Variants in NOL10 observed in about 807,000 individuals in gnomAD.
NOL10 encodes the protein H_NH0074G24.1.
Under a neutral mutation model 103.5 loss-of-function variants are expected in NOL10, and 58 were observed. The ratio of observed to expected loss-of-function variants is 0.56; its 90% CI spans 0.45 to 0.70. The LOEUF (loss-of-function observed/expected upper bound fraction) is 0.70. Ranked by LOEUF, NOL10 falls within the 30% of genes least tolerant of loss-of-function variation. The pLI is 0.00. For missense variants in NOL10, 763 were observed against 807.3 expected (o/e 0.95, Z 0.67); for synonymous variants, 287 against 282.5 (o/e 1.02, Z -0.16).
At chr2:10,678,327 T>G (rs565221670) in intron 3 of NOL10, among the ~76,000 whole-genome samples, 1 of 151,836 alleles carries the variant, frequency 6.6e-6, no homozygotes, top group Non-Finnish European at 1.5e-5. Flanking sequence ...GCAGGGATTA[T>G]AGGCATGAGC....
At chr2:10,669,355 G>C (rs552459175) in intron 6 of NOL10, among the ~76,000 whole-genome samples, 38 of 150,724 alleles carry the variant, frequency 2.5e-4, no homozygotes, top group African/African-American at 8.7e-4. Context: ...CTCCCAAAGT[G>C]CTGGATTACA....
chr2:10,629,824 G>T (rs928807485), intron 13 of NOL10, among the ~76,000 whole-genome samples: 3 of 152,066 alleles, frequency 2.0e-5, no homozygotes, highest in African/African-American at 7.2e-5. Flanking sequence ...GCTTTATTTT[G>T]CTCAACATGA....
rs1558311146 is a variant in NOL10 at position 10,638,305 on chromosome 2, G to GTA, written c.1026+6014_1026+6015insTA. On this transcript the variant is annotated intron_variant, in intron 13 of 20. Transcript: ENST00000381685. Reference sequence around the variant, plus strand: ...GTCTCATTCAAAAATAACGTAACGTGACGTGACGTGACGTGACGTGACGTG... The same window carrying GTA: ...GTCTCATTCAAAAATAACGTAACGTGTAACGTGACGTGACGTGACGTGACGTG... Among the ~76,000 whole-genome samples, 9 of 92,842 alleles carry GTA rather than the reference G, an allele frequency of 9.7e-5. No individual in the cohort carries two copies. In the East Asian group the frequency reaches 3.6e-3, roughly 37 times the overall value. 60.9% of individuals were successfully genotyped at this position (92,842 alleles called of 152,430 possible). A position where few individuals can be genotyped will look rare whatever the true frequency, so the allele number is the denominator to read the frequency against.
intron 8 of NOL10, among the ~76,000 whole-genome samples, chr2:10,666,529 A>G (rs945796064): frequency 1.3e-5 from 2 of 152,140 alleles, no homozygotes; most frequent in African/African-American, 4.8e-5. Context: ...GTGTTTCGCC[A>G]TATTGGCCAG....
At position 10,689,779 on chromosome 2, in the gene NOL10, G is replaced by A. The variant is rs936331754; in HGVS notation, c.66+17C>T. The A allele has an allele frequency of 3.8e-6, 6 of 1,594,454 alleles. No homozygotes were observed. In the Admixed American group the frequency reaches 7.0e-5, roughly 19 times the overall value. ...CCCCCAAGAGCTCGAGAGTGAGGGG[G>A]CCGGGAAGTGACTCACCTCAGGAAG... On this transcript the variant is annotated intron_variant, in intron 1 of 20. Transcript: ENST00000381685.
intron 1 of NOL10, among the ~76,000 whole-genome samples, chr2:10,689,400 G>C (rs367628671): frequency 6.6e-6 from 1 of 152,178 alleles, no homozygotes; most frequent in South Asian, 2.1e-4. Flanking sequence ...CCTGGCAAAT[G>C]ATAGGGACTC....
At chr2:10,621,689 A>C (rs1677157448) in intron 13 of NOL10, among the ~76,000 whole-genome samples, 1 of 152,234 alleles carries the variant, frequency 6.6e-6, no homozygotes, top group East Asian at 1.9e-4. Flanking sequence ...TACTTGCTAG[A>C]GGGAAGTACA....
intron 13 of NOL10, among the ~76,000 whole-genome samples, chr2:10,643,449 A>G (rs1419748248): frequency 6.6e-6 from 1 of 152,178 alleles, no homozygotes. Context: ...ATCTAATGCC[A>G]ACTTTATACT....
At chr2:10,613,276 G>A (rs1009369225) in intron 13 of NOL10, among the ~76,000 whole-genome samples, 2 of 152,166 alleles carry the variant, frequency 1.3e-5, no homozygotes, top group East Asian at 3.8e-4. Flanking sequence ...TATGTGGAAG[G>A]ACTAAATTAT....
In NOL10 at chr2:10,689,820, G is replaced by A. The variant is rs753772286; in HGVS notation, c.42C>T (p.Leu14=). Residue 14 remains leucine, a synonymous_variant, in exon 1 of 21, where the codon CTC becomes CTT. Coordinates refer to ENST00000381685, the MANE Select transcript of NOL10 (RefSeq NM_024894.4). ...CCTCAGGAAGGGACTTGCCGCAGCT[G>A]AGGCTGTAAATCTTCACCTCATTGA... ...SSLNEVKIYS[L]SCGKSLPEWL... is the part of the protein sequence containing the mutation. 1 of 1,607,654 alleles carries A rather than the reference G, an allele frequency of 6.2e-7. No homozygotes were observed. Among genetic ancestry groups the A allele is most frequent in the Non-Finnish European group, 8.5e-7 (1 of 1,177,248 alleles).
chr2:10,629,529 A>G (rs116830362), intron 13 of NOL10, among the ~76,000 whole-genome samples: 5,033 of 152,254 alleles, frequency 0.033, 289 homozygotes, highest in African/African-American at 0.12. Flanking sequence ...AGGGTATTTG[A>G]GTTTTCTTCT....
intron 19 of NOL10, among the ~76,000 whole-genome samples, chr2:10,580,814 C>T (rs1042100994): frequency 2.2e-4 from 33 of 151,836 alleles, no homozygotes; most frequent in Admixed American, 1.9e-3. Flanking sequence ...ATGGAAGGGG[C>T]GGTGTGGGGG....
At chr2:10,682,929 C>T (rs1681884328) in intron 2 of NOL10, among the ~76,000 whole-genome samples, 1 of 152,038 alleles carries the variant, frequency 6.6e-6, no homozygotes, top group Non-Finnish European at 1.5e-5. Flanking sequence ...GGGCTACAGG[C>T]ACGCACCACC....
At chr2:10,628,226 C>A (rs1164857739) in intron 13 of NOL10, among the ~76,000 whole-genome samples, 1 of 152,220 alleles carries the variant, frequency 6.6e-6, no homozygotes, top group East Asian at 1.9e-4. Flanking sequence ...TTCTTGAATT[C>A]TTTTCTGAGC....
At chr2:10,618,126 C>T (rs1030237901) in intron 13 of NOL10, among the ~76,000 whole-genome samples, 1 of 151,912 alleles carries the variant, frequency 6.6e-6, no homozygotes, top group African/African-American at 2.4e-5. Flanking sequence ...ATCCTCTCAC[C>T]TCAGCCTCCC....
intron 6 of NOL10, among the ~76,000 whole-genome samples, chr2:10,669,441 G>GTGTA (rs1162825648): frequency 1.4e-4 from 19 of 139,400 alleles, no homozygotes; most frequent in African/African-American, 5.0e-4. Context: ...GTATGTATTT[G>GTGTA]TATATATATA....
intron 13 of NOL10, among the ~76,000 whole-genome samples, chr2:10,621,130 T>C (rs1161644923): frequency 6.6e-6 from 1 of 151,948 alleles, no homozygotes; most frequent in African/African-American, 2.4e-5. Context: ...TTAGGATAGA[T>C]CCAAAAGACT....
chr2:10,648,789 G>A (rs1283265091), intron 12 of NOL10, among the ~76,000 whole-genome samples: 4 of 151,996 alleles, frequency 2.6e-5, no homozygotes, highest in African/African-American at 9.7e-5. Context: ...CACATAAATC[G>A]AGGATGAAGG....
intron 13 of NOL10, among the ~76,000 whole-genome samples, chr2:10,618,891 T>C (rs1173768146): frequency 6.6e-6 from 1 of 152,216 alleles, no homozygotes; most frequent in Non-Finnish European, 1.5e-5. Flanking sequence ...ATATACAAAA[T>C]CAATTCACTC....
Sources: gnomAD v4.1 joint callset for allele counts (sites outside exome capture counted in the v4.1 genomes callset) on GRCh38, gnomAD v4.1.1 for gene constraint, MANE v1.5 for transcripts, NCBI Gene and HGNC (gene_info 2026-07-23, HGNC 2026-07-21) for gene names.